The following KHDRBS2 variants were observed in gnomAD, a reference collection of about 807,000 sequenced individuals.
KHDRBS2 encodes KH domain-containing, RNA-binding, signal transduction-associated protein 2.
A neutral mutation model predicts 44.3 loss-of-function variants in KHDRBS2; 26 were observed. The observed-to-expected ratio is 0.59, with a 90% CI of 0.43 to 0.81. The LOEUF (loss-of-function observed/expected upper bound fraction) is 0.81. Among genes scored for constraint, KHDRBS2 ranks in the 40% least tolerant of loss-of-function variants. The probability of loss-of-function intolerance (pLI) is 0.00; values close to 1 mark genes in which losing one functional copy is unlikely to be tolerated. For synonymous variants in KHDRBS2, 194 were observed against 151.1 expected, an observed-to-expected ratio of 1.28 and a Z score of -2.08; for missense variants, 476 against 433.1, an observed-to-expected ratio of 1.10 and a Z score of -0.88.
chr6:62,065,118 A>C (rs1035619535), intron 2 of KHDRBS2, among the ~76,000 whole-genome samples: 7 of 151,606 alleles, frequency 4.6e-5, no homozygotes, highest in African/African-American at 1.7e-4. Context: ...GCAATCATTA[A>C]AAAGTCAGGA....
chr6:61,566,001 GT>G, the KHDRBS2 span, among the ~76,000 whole-genome samples: 10 of 10,654 alleles, frequency 9.4e-4, no homozygotes, highest in South Asian at 0.013. Flanking sequence ...AAAATGTGGT[GT>G]GTGTGTGTGT....
chr6:62,021,809 TCA>T, intron 3 of KHDRBS2, among the ~76,000 whole-genome samples: 1 of 151,678 alleles, frequency 6.6e-6, no homozygotes, highest in East Asian at 1.9e-4. Context: ...ACAAATTGCC[TCA>T]CACATTTTTC....
chr6:61,921,759 G>A lies in KHDRBS2; in HGVS notation c.484-20388C>T, dbSNP rs540927976. On this transcript the variant is annotated intron_variant, in intron 4 of 8. Coordinates refer to ENST00000281156, the MANE Select transcript of KHDRBS2 (RefSeq NM_152688.4). ...TATGGATGTTTTAGAGTTTTCCACC[G>A]TTTTGCCACTATAATTCTATGATTA... Among the ~76,000 whole-genome samples, 51 of 151,818 alleles carry A rather than the reference G, an allele frequency of 3.4e-4. 2 individuals carry two copies. The Middle Eastern group carries it at 0.014, about 41-fold the overall frequency.
the KHDRBS2 span, among the ~76,000 whole-genome samples, chr6:61,661,893 G>A: frequency 1.3e-5 from 2 of 151,836 alleles, no homozygotes; most frequent in Non-Finnish European, 2.9e-5. Flanking sequence ...ATTGGGAAAA[G>A]CTACTTTAAA....
At chr6:61,572,734 T>C in the KHDRBS2 span, among the ~76,000 whole-genome samples, 1 of 152,192 alleles carries the variant, frequency 6.6e-6, no homozygotes, top group African/African-American at 2.4e-5. Context: ...ATCATTTTAA[T>C]AGATACAGAA....
the KHDRBS2 span, among the ~76,000 whole-genome samples, chr6:61,551,024 G>A: frequency 1.3e-5 from 2 of 151,982 alleles, no homozygotes; most frequent in Non-Finnish European, 2.9e-5. Context: ...TATGCCTATT[G>A]CGGCTCCCCA....
intron 6 of KHDRBS2, among the ~76,000 whole-genome samples, chr6:61,734,296 C>G (rs1272810247): frequency 6.6e-6 from 1 of 151,980 alleles, no homozygotes; most frequent in Non-Finnish European, 1.5e-5. Flanking sequence ...AAATTTTGTT[C>G]AATGTTCTAA....
chr6:62,154,742 A>T (rs1210041836), intron 2 of KHDRBS2, among the ~76,000 whole-genome samples: 2 of 152,240 alleles, frequency 1.3e-5, no homozygotes, highest in African/African-American at 4.8e-5. Flanking sequence ...AGCTGAAGGA[A>T]CACCATATTC....
the KHDRBS2 span, among the ~76,000 whole-genome samples, chr6:61,652,035 T>C: frequency 0.83 from 126,869 of 151,996 alleles, 53,234 homozygotes; most frequent in Non-Finnish European, 0.88. Flanking sequence ...ATCTGGAAAC[T>C]CCTTTCTAGG....
At chr6:62,133,226 T>C (rs768381163) in intron 2 of KHDRBS2, among the ~76,000 whole-genome samples, 1 of 152,160 alleles carries the variant, frequency 6.6e-6, no homozygotes, top group African/African-American at 2.4e-5. Flanking sequence ...CATCTTGAAT[T>C]GTAGCTCCTA....
chr6:61,653,606 T>C, the KHDRBS2 span, among the ~76,000 whole-genome samples: 5 of 82,302 alleles, frequency 6.1e-5, no homozygotes, highest in East Asian at 8.2e-4. Flanking sequence ...AATGTGAAAC[T>C]GAGAGACAGA....
the KHDRBS2 span, among the ~76,000 whole-genome samples, chr6:61,570,962 T>G: frequency 6.6e-6 from 1 of 151,954 alleles, no homozygotes; most frequent in Non-Finnish European, 1.5e-5. Flanking sequence ...AAATAGAATC[T>G]TCTTAAAGCA....
chr6:62,273,373 T>C (rs1172849811), intron 1 of KHDRBS2, among the ~76,000 whole-genome samples: 3 of 152,186 alleles, frequency 2.0e-5, no homozygotes, highest in Non-Finnish European at 4.4e-5. Flanking sequence ...TCTCAGTCTG[T>C]TCTTTGTTGC....
chr6:61,741,705 C>T (rs555060375), intron 6 of KHDRBS2, among the ~76,000 whole-genome samples: 16 of 151,958 alleles, frequency 1.1e-4, no homozygotes, highest in Non-Finnish European at 2.2e-4. Context: ...TTCAACCTAA[C>T]ACTAATATTA....
At chr6:61,848,170 A>T (rs927009201) in intron 6 of KHDRBS2, among the ~76,000 whole-genome samples, 4 of 151,816 alleles carry the variant, frequency 2.6e-5, no homozygotes, top group Non-Finnish European at 5.9e-5. Context: ...TCAAGGCAAG[A>T]TAGTATTTTG....
At chr6:61,841,379 A>G (rs1470990989) in intron 6 of KHDRBS2, among the ~76,000 whole-genome samples, 1 of 151,870 alleles carries the variant, frequency 6.6e-6, no homozygotes, top group Non-Finnish European at 1.5e-5. Flanking sequence ...ACATAAAATA[A>G]TTCAACTTGA....
At chr6:61,600,597 A>G in the KHDRBS2 span, among the ~76,000 whole-genome samples, 9 of 151,954 alleles carry the variant, frequency 5.9e-5, no homozygotes, top group African/African-American at 2.2e-4. Context: ...TGCTCACACA[A>G]AGCCTGTTTG....
At position 62,177,319 on chromosome 6, in the gene KHDRBS2, G is replaced by T; in HGVS notation, c.92-7C>A. The T allele has an allele frequency of 6.3e-7, 1 of 1,579,720 alleles. No individual in the cohort carries two copies. Among genetic ancestry groups the T allele is most frequent in the Non-Finnish European group, 8.6e-7 (1 of 1,158,776 alleles). ...CCTTGAAACTTTTCAATTTCTGGAA[G>T]AAAATCACAAGAAGAAAACAAGTGA... On this transcript the variant is annotated splice_region_variant and splice_polypyrimidine_tract_variant and intron_variant, in intron 1 of 8. Transcript: ENST00000281156.
At chr6:62,075,371 G>A (rs1451234493) in intron 2 of KHDRBS2, among the ~76,000 whole-genome samples, 1 of 151,874 alleles carries the variant, frequency 6.6e-6, no homozygotes, top group Non-Finnish European at 1.5e-5. Context: ...TTTGATTATG[G>A]ACCCCACAAC....
Sources: gnomAD v4.1 joint callset for allele counts (sites outside exome capture counted in the v4.1 genomes callset) on GRCh38, gnomAD v4.1.1 for gene constraint, MANE v1.5 for transcripts, NCBI Gene and HGNC (gene_info 2026-07-23, HGNC 2026-07-21) for gene names.